SLC45A1: variants seen among roughly 807,000 people sequenced by gnomAD.
SLC45A1 encodes the protein proton-associated sugar transporter A.
A neutral mutation model predicts 57.6 loss-of-function variants in SLC45A1; 28 were observed. The ratio of observed to expected loss-of-function variants is 0.49; its 90% CI spans 0.36 to 0.67. SLC45A1 has a LOEUF of 0.67. SLC45A1 is among the 30% of genes least tolerant of loss of function. The probability of loss-of-function intolerance (pLI) is 0.00; values close to 1 mark genes in which losing one functional copy is unlikely to be tolerated. For missense variants in SLC45A1, 814 were observed against 1,041.5 expected (o/e 0.78, Z 3.01); for synonymous variants, 459 against 471.5 (o/e 0.97, Z 0.34).
rs1392628428 is a variant in SLC45A1, at chr1:8,330,144, G to A, written c.716-65G>A. The A allele has an allele frequency of 1.8e-5, 28 of 1,564,086 alleles. No homozygotes were observed. Among genetic ancestry groups the A allele is most frequent in the Non-Finnish European group, 2.2e-5 (25 of 1,153,554 alleles). ...GCTACCTTCATGTCCTTCTAAGAAC[G>A]GGGCCACCGCGTTTGGGGCTTCTCC... On this transcript the variant is annotated intron_variant, in intron 4 of 8. Transcript: ENST00000471889. This position sits in a 1 kb window ranked among gnomAD's most constrained non-coding sequence, Gnocchi z 8.4.
At chr1:8,319,068 GT>G (rs1639911649) in intron 1 of SLC45A1, among the ~76,000 whole-genome samples, 1 of 152,112 alleles carries the variant, frequency 6.6e-6, no homozygotes, top group Non-Finnish European at 1.5e-5. Flanking sequence ...ATCACCTGAG[GT>G]CAGGAGTTCA....
intron 1 of SLC45A1, among the ~76,000 whole-genome samples, chr1:8,320,692 TACACACACACACACACACACACAC>T (rs57414432): frequency 9.9e-6 from 1 of 101,224 alleles, no homozygotes; most frequent in Non-Finnish European, 2.2e-5. Flanking sequence ...TCTCTCTCTC[TACACACACACACACACACACACAC>T]ACACACACAC....
intron 5 of SLC45A1, among the ~76,000 whole-genome samples, chr1:8,331,777 G>A (rs1032076591): frequency 6.7e-6 from 1 of 149,724 alleles, no homozygotes; most frequent in South Asian, 2.1e-4. Flanking sequence ...AATCCTGGCT[G>A]GGAGCGACAG....
intron 8 of SLC45A1, among the ~76,000 whole-genome samples, chr1:8,341,277 G>A (rs1343868729): frequency 6.6e-6 from 1 of 151,704 alleles, no homozygotes; most frequent in Non-Finnish European, 1.5e-5. Flanking sequence ...GCTCACGCCT[G>A]TAATCTCAGC....
chr1:8,343,198 C>T lies in SLC45A1; in HGVS notation c.1981-549C>T, dbSNP rs997872753. ...GCCCAGTGAGGGAAAGCCATGCCAC[C>T]GCTCCCCACCGTCACTCTGCACAGA... is the stretch of plus-strand genomic sequence containing the variant. On this transcript the variant is annotated intron_variant, in intron 8 of 8. Transcript: ENST00000471889. This position sits in a 1 kb window ranked among gnomAD's most constrained non-coding sequence, Gnocchi z 7.7. Among the ~76,000 whole-genome samples, 3 of 152,138 alleles carry T rather than the reference C, an allele frequency of 2.0e-5. No individual in the cohort carries two copies. Among genetic ancestry groups the T allele is most frequent in the African/African-American group, 7.2e-5 (3 of 41,420 alleles).
At chr1:8,323,497 A>AG (rs1172432875) in intron 1 of SLC45A1, among the ~76,000 whole-genome samples, 1 of 35,646 alleles carries the variant, frequency 2.8e-5, no homozygotes, top group Non-Finnish European at 8.5e-5. Context: ...TCTCAAAAAA[A>AG]AAAAAAAAAA....
At position 8,326,191 on chromosome 1, in the gene SLC45A1, A is replaced by G. The variant is rs1184551484; in HGVS notation, c.715+149A>G. The G allele has an allele frequency of 1.9e-5, 12 of 641,240 alleles. No homozygotes were observed. Among genetic ancestry groups the G allele is most frequent in the African/African-American group, 3.6e-5 (2 of 54,882 alleles). 39.7% of individuals were successfully genotyped at this position (641,240 alleles called of 1,614,324 possible). On this transcript the variant is annotated intron_variant, in intron 4 of 8. Coordinates refer to ENST00000471889, the MANE Select transcript of SLC45A1 (RefSeq NM_001080397.3). This position sits in a 1 kb window ranked among gnomAD's most constrained non-coding sequence, Gnocchi z 5.5. ...GAAACACTGAAGTGATTGAAAATAC[A>G]TATCTCACACAACACATATCAACCA...
chr1:8,321,704 G>A (rs72635795), intron 1 of SLC45A1, among the ~76,000 whole-genome samples: 25,378 of 152,004 alleles, frequency 0.17, 2,548 homozygotes, highest in South Asian at 0.31. Context: ...TGAGTGGAAG[G>A]ATGGATAGAG....
intron 8 of SLC45A1, among the ~76,000 whole-genome samples, chr1:8,341,558 G>GAAAA (rs55944229): frequency 7.5e-6 from 1 of 134,184 alleles, no homozygotes; most frequent in Non-Finnish European, 1.5e-5. Flanking sequence ...GTAATACTTT[G>GAAAA]AAAAAAAAAA....
rs1484930693 is a variant in SLC45A1, at chr1:8,324,575, G to A, written c.246G>A (p.Arg82=). ...ACTTCGGGGACCTGCACCCCCAGAG[G>A]TCCTTCCGGGAGCTGCTTTTCAACG... ...LVDFGDLHPQ[R]SFRELLFNGC... Residue 82 remains arginine (R), a synonymous_variant, in exon 2 of 9, where the codon AGG becomes AGA. Coordinates refer to ENST00000471889, the MANE Select transcript of SLC45A1 (RefSeq NM_001080397.3). The A allele has an allele frequency of 6.2e-6, 10 of 1,613,092 alleles. No homozygotes were observed. The highest frequency in any genetic ancestry group is 7.6e-6 in the Non-Finnish European group (9 of 1,179,932).
chr1:8,343,003 C>G lies in SLC45A1; in HGVS notation c.1981-744C>G, dbSNP rs1640878950. On this transcript the variant is annotated intron_variant, in intron 8 of 8. Coordinates refer to ENST00000471889, the MANE Select transcript of SLC45A1 (RefSeq NM_001080397.3). The surrounding 1 kb of genome is among the most constrained non-coding windows in gnomAD (Gnocchi z 7.7). ...TAATCTCATGCCTCAGTTGCCTCCC[C>G]CAGGCCTGGGCCTGATTTGTTTTAG... 6.6e-6 allele frequency among the ~76,000 whole-genome samples: 1 copy of G among 152,228 alleles called. No homozygotes were observed. The highest frequency in any genetic ancestry group is 1.5e-5 in the Non-Finnish European group (1 of 68,040).
Position 8,343,637 on chromosome 1 carries a change from C to A in SLC45A1, c.1981-110C>A. 1 of 1,208,034 alleles carries A rather than the reference C, an allele frequency of 8.3e-7. No homozygotes were observed. The highest frequency in any genetic ancestry group is 1.2e-6 in the Non-Finnish European group (1 of 864,668). The allele number at this position is 1,208,034 out of a possible 1,614,324, so 74.8% of individuals were successfully genotyped here. A position where few individuals can be genotyped will look rare whatever the true frequency, so the allele number is the denominator to read the frequency against. On this transcript the variant is annotated intron_variant, in intron 8 of 8. Transcript: ENST00000471889. This position sits in a 1 kb window ranked among gnomAD's most constrained non-coding sequence, Gnocchi z 7.7. ...CATGTTGGCGCTGAAAAATGTGAGG[C>A]CGCTGTGTGTGGGCCGCTCGGGCCT...
chr1:8,323,986 C>T lies in SLC45A1; in HGVS notation c.-24-320C>T, dbSNP rs555946381. Among the ~76,000 whole-genome samples the T allele has an allele frequency of 3.9e-5, 6 of 152,242 alleles. No homozygotes were observed. The East Asian group carries it at 9.7e-4, about 25-fold the overall frequency. On this transcript the variant is annotated intron_variant, in intron 1 of 8. Coordinates refer to ENST00000471889, the MANE Select transcript of SLC45A1 (RefSeq NM_001080397.3). ...AAAATAGCCTGGTGTCCTTGGAGGC[C>T]GGAGAGGAGCTGAGAGGCTCTCACT...
In SLC45A1 at chr1:8,326,982, A is replaced by AAAACAAAC. The variant is rs373652406; in HGVS notation, c.715+954_715+961dup. On this transcript the variant is annotated intron_variant, in intron 4 of 8. Transcript: ENST00000471889. This position sits in a 1 kb window ranked among gnomAD's most constrained non-coding sequence, Gnocchi z 5.5. ...GCAACAAGAGCGAACCTCCATCTCA[A>AAAACAAAC]AAACAAACAAACAAACAAACACCAA... 2.0e-5 allele frequency among the ~76,000 whole-genome samples: 3 copies of AAAACAAAC among 152,164 alleles called. No homozygotes were observed. Among genetic ancestry groups the AAAACAAAC allele is most frequent in the Admixed American group, 6.5e-5 (1 of 15,282 alleles).
At chr1:8,329,804 A>G (rs1473499) in intron 4 of SLC45A1, among the ~76,000 whole-genome samples, 151,254 of 152,320 alleles carry the variant, frequency 0.99, 75,107 homozygotes, top group Middle Eastern at 1. Context: ...GCATGCACAC[A>G]TGTGGTCGGC....
rs759773146 is a variant in SLC45A1 at position 8,330,473 on chromosome 1, C to T, written c.980C>T (p.Pro327Leu). ...GAGGAAGGCCCTGGCGACAGCCTCCCGTCGCACACGGCCACCAACTTCTCC... is the reference window on the plus strand; with the variant it reads ...GAGGAAGGCCCTGGCGACAGCCTCCTGTCGCACACGGCCACCAACTTCTCC... Reference protein sequence around the residue: ...LPEEGPGDSLPSHTATNFSSP... With the variant: ...LPEEGPGDSLLSHTATNFSSP... The change falls in exon 5 of 9, where the codon CCG becomes CTG. Residue 327 changes from proline (P) to leucine (L), a missense_variant. Coordinates refer to ENST00000471889, the MANE Select transcript of SLC45A1 (RefSeq NM_001080397.3). The surrounding 1 kb of genome is among the most constrained non-coding windows in gnomAD (Gnocchi z 8.4). The T allele has an allele frequency of 9.9e-6, 16 of 1,612,722 alleles. No homozygotes were observed. The highest frequency in any genetic ancestry group is 8.3e-5 in the Admixed American group (5 of 59,998).
intron 6 of SLC45A1, among the ~76,000 whole-genome samples, chr1:8,337,327 C>T (rs569007484): frequency 2.2e-4 from 33 of 152,344 alleles, no homozygotes; most frequent in Admixed American, 1.2e-3. Flanking sequence ...GTCCCGCCCA[C>T]GACACACAGG....
chr1:8,337,427 C>T (rs1466575615), intron 6 of SLC45A1, among the ~76,000 whole-genome samples: 1 of 151,590 alleles, frequency 6.6e-6, no homozygotes, highest in Non-Finnish European at 1.5e-5. Flanking sequence ...TTGCTTGTTA[C>T]TTTTTTTTTG....
intron 6 of SLC45A1, among the ~76,000 whole-genome samples, chr1:8,336,474 C>T (rs1380940628): frequency 1.3e-5 from 2 of 151,474 alleles, no homozygotes; most frequent in Non-Finnish European, 2.9e-5. Context: ...CATAAATCAA[C>T]ATGACCTTCT....
Sources: gnomAD v4.1 joint callset for allele counts (sites outside exome capture counted in the v4.1 genomes callset) on GRCh38, gnomAD v4.1.1 for gene constraint, Gnocchi (gnomAD v3.1) non-coding constraint, MANE v1.5 for transcripts, NCBI Gene and HGNC (gene_info 2026-07-23, HGNC 2026-07-21) for gene names.